Variants in ATP6V1B2 observed in about 807,000 individuals in gnomAD.
ATP6V1B2 encodes the protein ATPase H+ transporting V1 subunit B2.
A neutral mutation model predicts 66.7 loss-of-function variants in ATP6V1B2; 23 were observed. That is an observed-to-expected ratio of 0.34 (90% CI 0.25 to 0.49). The LOEUF is 0.49. ATP6V1B2 is among the 20% of genes least tolerant of loss of function. ATP6V1B2 has a pLI of 0.99. For synonymous variants in ATP6V1B2, 278 were observed against 236.7 expected, an observed-to-expected ratio of 1.17 and a Z score of -1.60; for missense variants, 478 against 650.8, an observed-to-expected ratio of 0.73 and a Z score of 2.89.
chr8:20,207,850 G>A (rs1239152941), intron 2 of ATP6V1B2, among the ~76,000 whole-genome samples: 2 of 152,072 alleles, frequency 1.3e-5, no homozygotes, highest in African/African-American at 4.8e-5. Context: ...TTCTATAAAT[G>A]AATAAGAAGG....
Position 20,211,182 on chromosome 8 carries a change from C to G in ATP6V1B2, c.469C>G (p.Pro157Ala). The change falls in exon 6 of 14, where the codon CCA becomes GCA. Residue 157 changes from proline (P) to alanine (A), a missense_variant. Physicochemically the swap from Pro to Ala is conservative, Grantham distance 27. This residue lies in a region of ATP6V1B2 where 326 missense variants were observed against 545.6 expected (regional missense o/e 0.60). Coordinates refer to ENST00000276390, the MANE Select transcript of ATP6V1B2 (RefSeq NM_001693.4). ...CCTTTTTGGAAATACATTAGGTCAG[C>G]CAATCAACCCTCAATGTCGAATCTA... Reference protein sequence around the residue: ...AEDFLDIMGQPINPQCRIYPE... With the variant: ...AEDFLDIMGQAINPQCRIYPE... 3 of 1,611,014 alleles carry G rather than the reference C, an allele frequency of 1.9e-6. No individual in the cohort carries two copies. Among genetic ancestry groups the G allele is most frequent in the Non-Finnish European group, 2.5e-6 (3 of 1,179,070 alleles).
chr8:20,197,404 A>C lies in ATP6V1B2; in HGVS notation c.-3A>C, dbSNP rs1339309113. 1 of 1,536,864 alleles carries C rather than the reference A, an allele frequency of 6.5e-7. No homozygotes were observed. The highest frequency in any genetic ancestry group is 2.7e-5 in the East Asian group (1 of 37,096). ...CTGGGCCAGTCGGGACAGAGGAGAC[A>C]AGATGGCGCTGCGGGCGATGCGGGG... is the stretch of plus-strand genomic sequence containing the variant. On this transcript the variant is annotated 5_prime_UTR_variant, in exon 1 of 14. Transcript: ENST00000276390.
chr8:20,209,073 C>G (rs1206315965), intron 2 of ATP6V1B2, among the ~76,000 whole-genome samples: 1 of 152,128 alleles, frequency 6.6e-6, no homozygotes, highest in Non-Finnish European at 1.5e-5. Context: ...ATTACACACA[C>G]AGCCTAGAAA....
chr8:20,214,786 G>A (rs1239780514), intron 9 of ATP6V1B2, 32 bp from the exon 10 acceptor site: 8 of 1,589,720 alleles, frequency 5.0e-6, no homozygotes, highest in Non-Finnish European at 6.0e-6. Context: ...GTAATATCGT[G>A]CATGATACTC....
intron 12 of ATP6V1B2, 56 bp from the exon 13 acceptor site, chr8:20,218,097 A>G: frequency 6.3e-7 from 1 of 1,594,318 alleles, no homozygotes; most frequent in Non-Finnish European, 8.5e-7. Flanking sequence ...TATATCCCAG[A>G]TGACTGAACA....
chr8:20,218,180 G>A lies in ATP6V1B2; in HGVS notation c.1294G>A (p.Val432Met). 6.2e-7 allele frequency: 1 copy of A among 1,613,302 alleles called. No individual in the cohort carries two copies. The highest frequency in any genetic ancestry group is 1.1e-5 in the South Asian group (1 of 91,066). The change falls in exon 13 of 14, where the codon GTG becomes ATG. Residue 432 changes from valine to methionine, a missense_variant. By Grantham distance (21) the Val-to-Met change is conservative (BLOSUM62 1). Transcript: ENST00000276390. ...TGCGTGCTATGCTATTGGAAAGGATGTGCAAGCCATGAAAGCTGTCGTTGG... is the reference window on the plus strand; with the variant it reads ...TGCGTGCTATGCTATTGGAAAGGATATGCAAGCCATGAAAGCTGTCGTTGG... ...LYACYAIGKD[V>M]QAMKAVVGEE...
At chr8:20,209,625 T>C (rs919072059) in intron 3 of ATP6V1B2, 94 bp downstream of exon 3, 6 of 1,188,778 alleles carry the variant, frequency 5.0e-6, no homozygotes, top group Non-Finnish European at 6.1e-6. Context: ...GCATAAGTGT[T>C]TTTAGAGTCT....
chr8:20,209,509 G>C lies in ATP6V1B2; in HGVS notation c.269G>C (p.Ser90Thr), dbSNP rs979957252. The C allele has an allele frequency of 1.9e-6, 3 of 1,613,868 alleles. No homozygotes were observed. Among genetic ancestry groups the C allele is most frequent in the East Asian group, 2.2e-5 (1 of 44,868 alleles). Residue 90 changes from serine to threonine, a missense_variant, in exon 3 of 14, where the codon AGT becomes ACT. Transcript: ENST00000276390. ...TKRSGQVLEV[S>T]GSKAVVQVFE... ...AGAAGTGGGCAAGTTCTGGAAGTTAGTGGTTCCAAGGCAGTAGTTCAGGTA... is the reference window on the plus strand; with the variant it reads ...AGAAGTGGGCAAGTTCTGGAAGTTACTGGTTCCAAGGCAGTAGTTCAGGTA...
At chr8:20,219,204 C>CGA (rs2072884529) in intron 13 of ATP6V1B2, among the ~76,000 whole-genome samples, 1 of 152,132 alleles carries the variant, frequency 6.6e-6, no homozygotes, top group South Asian at 2.1e-4. Flanking sequence ...AGAGATTTTG[C>CGA]ATTTCTGTGA....
chr8:20,206,415 G>A (rs535309397), intron 2 of ATP6V1B2, among the ~76,000 whole-genome samples: 1 of 152,170 alleles, frequency 6.6e-6, no homozygotes, highest in Non-Finnish European at 1.5e-5. Flanking sequence ...TGTCCAACTC[G>A]GCTACAGATT....
chr8:20,198,573 A>G (rs780239223), intron 1 of ATP6V1B2, among the ~76,000 whole-genome samples: 3 of 152,166 alleles, frequency 2.0e-5, no homozygotes, highest in Non-Finnish European at 4.4e-5. Flanking sequence ...TTTTTAAAAA[A>G]CTGGGAAAAG....
At chr8:20,205,608 T>A (rs2072730700) in intron 2 of ATP6V1B2, among the ~76,000 whole-genome samples, 1 of 152,232 alleles carries the variant, frequency 6.6e-6, no homozygotes, top group Admixed American at 6.5e-5. Context: ...TAGAAAAATC[T>A]ATTTAGACTA....
Position 20,204,512 on chromosome 8 carries a change from T to C in ATP6V1B2, c.165T>C (p.Gly55=), listed in dbSNP as rs773158882. The change falls in exon 2 of 14, where the codon GGT becomes GGC. Residue 55 remains glycine, a synonymous_variant. Coordinates refer to ENST00000276390, the MANE Select transcript of ATP6V1B2 (RefSeq NM_001693.4). The part of the protein sequence containing the change: ...LTYKTVSGVN[G]PLVILDHVKF... ...ACAAGACAGTATCTGGAGTCAATGGTCCACTAGTGATCTTAGATCATGTTA... is the reference window on the plus strand; with the variant it reads ...ACAAGACAGTATCTGGAGTCAATGGCCCACTAGTGATCTTAGATCATGTTA... 5 of 1,612,958 alleles carry C rather than the reference T, an allele frequency of 3.1e-6. No homozygotes were observed. The African/African-American group carries it at 6.7e-5, about 22-fold the overall frequency.
chr8:20,203,958 G>C (rs1497024), intron 1 of ATP6V1B2: 55,653 of 454,976 alleles, frequency 0.12, 4,090 homozygotes, highest in Non-Finnish European at 0.15. Context: ...TTACCTTGCA[G>C]GCTATACAAT....
In ATP6V1B2 at chr8:20,212,354, G is replaced by A. The variant is rs537673788; in HGVS notation, c.803+155G>A. 6.6e-5 allele frequency among the ~76,000 whole-genome samples: 10 copies of A among 152,262 alleles called. No homozygotes were observed. The South Asian group carries it at 1.9e-3, about 28-fold the overall frequency. On this transcript the variant is annotated intron_variant, in intron 8 of 13. Transcript: ENST00000276390. ...CAGCCCTGCTTCTTGGTAGTTATCT[G>A]GCACTGGGCAAATTACTTAGGTTCT...
At chr8:20,198,355 A>G (rs1257985468) in intron 1 of ATP6V1B2, among the ~76,000 whole-genome samples, 1 of 152,238 alleles carries the variant, frequency 6.6e-6, no homozygotes, top group Non-Finnish European at 1.5e-5. Flanking sequence ...TGGGGAAGCC[A>G]GGTGGCTTTG....
At chr8:20,204,588 A>T in intron 2 of ATP6V1B2, 49 bp downstream of exon 2, 1 of 1,493,686 alleles carries the variant, frequency 6.7e-7, no homozygotes, top group South Asian at 1.2e-5. Context: ...AAAATGTGGC[A>T]TTAAGTCCTA....
At chr8:20,208,931 A>G (rs2128885452) in intron 2 of ATP6V1B2, among the ~76,000 whole-genome samples, 1 of 151,928 alleles carries the variant, frequency 6.6e-6, no homozygotes, top group Non-Finnish European at 1.5e-5. Flanking sequence ...CTGGTCTCGA[A>G]CTCCTGACTT....
At chr8:20,215,015 G>A (rs746710011) in intron 10 of ATP6V1B2, 47 bp downstream of exon 10, 1 of 1,579,548 alleles carries the variant, frequency 6.3e-7, no homozygotes. Flanking sequence ...ATTTTAAAGA[G>A]AGAGAAGACC....
Sources: allele counts gnomAD v4.1 joint callset (sites outside exome capture counted in the v4.1 genomes callset), GRCh38; gene constraint gnomAD v4.1.1; regional missense constraint gnomAD v4.1.1; transcripts MANE v1.5; gene names NCBI Gene and HGNC (gene_info 2026-07-23, HGNC 2026-07-21).